The following INTS4 variants were observed in gnomAD, a reference collection of about 807,000 sequenced individuals.
The protein encoded by INTS4 is integrator complex subunit 4.
INTS4 carries 70 observed loss-of-function variants against 119.5 expected under a neutral mutation model. That is an observed-to-expected ratio of 0.59 (90% CI 0.48 to 0.71). The LOEUF is 0.71. Ranked by LOEUF, INTS4 falls within the 30% of genes least tolerant of loss-of-function variation. INTS4 has a pLI of 0.00. For missense variants in INTS4, 867 were observed against 1,173.2 expected, an observed-to-expected ratio of 0.74 and a Z score of 3.81; for synonymous variants, 316 against 419.6, an observed-to-expected ratio of 0.75 and a Z score of 3.02.
chr11:77,988,015 T>A (rs1856522308), intron 2 of INTS4, among the ~76,000 whole-genome samples: 2 of 115,582 alleles, frequency 1.7e-5, no homozygotes, highest in Admixed American at 1.7e-4. Flanking sequence ...AATTAGCCAG[T>A]CTCATAACCC....
chr11:77,876,525 G>T (rs951975905), downstream of INTS4, among the ~76,000 whole-genome samples: 1 of 151,762 alleles, frequency 6.6e-6, no homozygotes, highest in Non-Finnish European at 1.5e-5. Context: ...GCCCAACCCC[G>T]ATACGATACT....
At chr11:77,959,560 C>A (rs1024822364) in intron 6 of INTS4, among the ~76,000 whole-genome samples, 2 of 152,040 alleles carry the variant, frequency 1.3e-5, no homozygotes, top group Non-Finnish European at 2.9e-5. Flanking sequence ...TCCTCTGAGT[C>A]CTTACGATCC....
chr11:77,890,592 T>G (rs1218402129), intron 21 of INTS4, among the ~76,000 whole-genome samples: 1 of 152,182 alleles, frequency 6.6e-6, no homozygotes, highest in African/African-American at 2.4e-5. Flanking sequence ...GCATGTCTAC[T>G]CACCAAACCC....
At chr11:77,905,199 G>C (rs1420580569) in intron 16 of INTS4, among the ~76,000 whole-genome samples, 1 of 152,164 alleles carries the variant, frequency 6.6e-6, no homozygotes, top group Admixed American at 6.5e-5. Flanking sequence ...GCTCATGCCT[G>C]TAATCCTAGC....
intron 8 of INTS4, among the ~76,000 whole-genome samples, chr11:77,953,120 A>G (rs1187008520): frequency 6.6e-6 from 1 of 152,230 alleles, no homozygotes; most frequent in Non-Finnish European, 1.5e-5. Context: ...CGCTTCACAC[A>G]GGTTTCAGCA....
intron 4 of INTS4, among the ~76,000 whole-genome samples, chr11:77,972,503 G>A (rs1386065311): frequency 6.6e-6 from 1 of 151,676 alleles, no homozygotes; most frequent in African/African-American, 2.4e-5. Flanking sequence ...TGCAACCTCC[G>A]CCTCCCAGGT....
At chr11:77,974,030 G>A (rs1448694360) in intron 4 of INTS4, among the ~76,000 whole-genome samples, 2 of 152,054 alleles carry the variant, frequency 1.3e-5, no homozygotes, top group African/African-American at 4.8e-5. Context: ...ATATTTGGTA[G>A]AATTCACCAG....
chr11:77,919,764 G>A (rs531050455), intron 14 of INTS4, among the ~76,000 whole-genome samples: 2 of 152,232 alleles, frequency 1.3e-5, no homozygotes, highest in South Asian at 2.1e-4. Flanking sequence ...AAGATGGATG[G>A]GGAGGAGAGA....
Position 77,878,954 on chromosome 11 carries a change from G to T in INTS4, c.2887C>A (p.Arg963Ser). The T allele has an allele frequency of 6.2e-7, 1 of 1,613,494 alleles. No homozygotes were observed. The highest frequency in any genetic ancestry group is 8.5e-7 in the Non-Finnish European group (1 of 1,179,634). Residue 963 changes from arginine (R) to serine (S), a missense_variant, in exon 23 of 23, where the codon CGC (arginine) becomes AGC (serine). Transcript: ENST00000534064. ...TTGGGAAGACTGTTTTTGCCTTAGC[G>T]CCGTGCAGGTTTGGGCATTATATAA... The part of the protein sequence containing the change: ...KVYIMPKPAR[R>S]
At chr11:77,879,619 G>A (rs1051042825) in intron 22 of INTS4, among the ~76,000 whole-genome samples, 11 of 152,158 alleles carry the variant, frequency 7.2e-5, no homozygotes, top group African/African-American at 2.7e-4. Flanking sequence ...CAATGAACAG[G>A]AACATGTCTC....
intron 8 of INTS4, among the ~76,000 whole-genome samples, chr11:77,948,794 A>AG (rs1954115068): frequency 6.6e-6 from 1 of 151,068 alleles, no homozygotes; most frequent in South Asian, 2.1e-4. Context: ...AAAGAAAGAA[A>AG]AAAAAAAAAA....
intron 2 of INTS4, among the ~76,000 whole-genome samples, chr11:77,981,903 T>G (rs1421567163): frequency 6.6e-6 from 1 of 152,064 alleles, no homozygotes; most frequent in African/African-American, 2.4e-5. Flanking sequence ...GCAAAGTGAA[T>G]GAGAACTTTT....
chr11:77,956,002 T>A lies in INTS4; in HGVS notation c.858A>T (p.Lys286Asn), dbSNP rs748709014. ...EIRLVDDAFGKICHMVSDGSW... is the reference protein window; with the variant it reads ...EIRLVDDAFGNICHMVSDGSW... ...AGCCATCACTGACCATGTGACAAAT[T>A]TTGCCAAACGCATCATCAACTAAGC... The change falls in exon 8 of 23, where the codon AAA becomes AAT. Residue 286 changes from lysine (K) to asparagine (N), a missense_variant. This residue lies in a region of INTS4 where 208 missense variants were observed against 306.6 expected (regional missense o/e 0.68). Coordinates refer to ENST00000534064, the MANE Select transcript of INTS4 (RefSeq NM_033547.4). 5 of 1,611,182 alleles carry A rather than the reference T, an allele frequency of 3.1e-6. No individual in the cohort carries two copies. The South Asian group carries it at 4.4e-5, about 14-fold the overall frequency.
chr11:77,963,203 C>T (rs1855323730), intron 4 of INTS4, among the ~76,000 whole-genome samples: 2 of 151,966 alleles, frequency 1.3e-5, no homozygotes, highest in South Asian at 4.2e-4. Flanking sequence ...TATTACTGCA[C>T]ACTGAATCTT....
chr11:77,911,442 T>C (rs938639513), intron 15 of INTS4, among the ~76,000 whole-genome samples: 1 of 152,222 alleles, frequency 6.6e-6, no homozygotes, highest in African/African-American at 2.4e-5. Context: ...TCCAGGAAGA[T>C]TCTGCCTTCT....
chr11:77,923,727 T>C (rs1405867101), intron 12 of INTS4, among the ~76,000 whole-genome samples: 2 of 151,654 alleles, frequency 1.3e-5, no homozygotes, highest in African/African-American at 4.8e-5. Context: ...TAAGGAACTA[T>C]AAAAGCAAGG....
rs574407610 is a variant in INTS4 at position 77,980,814 on chromosome 11, C to A, written c.364+645G>T. 3.2e-3 allele frequency among the ~76,000 whole-genome samples: 489 copies of A among 152,058 alleles called. 1 individual carries two copies. Among genetic ancestry groups the A allele is most frequent in the South Asian group, 8.5e-3 (41 of 4,816 alleles). On this transcript the variant is annotated intron_variant, in intron 3 of 22. Transcript: ENST00000534064. ...GACCATCATGGCTAACATGGTGAAACCCTGTCTCTACTAAAAATACAAAAA... is the reference window on the plus strand; with the variant it reads ...GACCATCATGGCTAACATGGTGAAAACCTGTCTCTACTAAAAATACAAAAA...
At chr11:77,880,914 A>G (rs1951766230) in intron 22 of INTS4, among the ~76,000 whole-genome samples, 1 of 152,124 alleles carries the variant, frequency 6.6e-6, no homozygotes, top group Admixed American at 6.5e-5. Context: ...ACAGAAGGAA[A>G]CCCTGTCTCA....
At chr11:77,951,328 GAA>G (rs1954189715) in intron 8 of INTS4, among the ~76,000 whole-genome samples, 1 of 152,068 alleles carries the variant, frequency 6.6e-6, no homozygotes. Flanking sequence ...TAGACCAATG[GAA>G]CAGAACAGAA....
Sources: allele counts gnomAD v4.1 joint callset (sites outside exome capture counted in the v4.1 genomes callset), GRCh38; gene constraint gnomAD v4.1.1; regional missense constraint gnomAD v4.1.1; transcripts MANE v1.5; gene names NCBI Gene and HGNC (gene_info 2026-07-23, HGNC 2026-07-21).